PDE11A: variants seen among roughly 807,000 people sequenced by gnomAD.
PDE11A encodes phosphodiesterase 11A, also known as dual 3',5'-cyclic-AMP and -GMP phosphodiesterase 11A.
Under a neutral mutation model 100.5 loss-of-function variants are expected in PDE11A, and 100 were observed. The observed-to-expected ratio is 1.00, with a 90% confidence interval of 0.85 to 1.18. The LOEUF (loss-of-function observed/expected upper bound fraction) is 1.18. Among genes scored for constraint, PDE11A ranks in the 50% most tolerant of loss-of-function variants. PDE11A has a pLI of 0.00. For missense variants in PDE11A, 1,141 were observed against 1,152.6 expected (o/e 0.99, Z 0.15); for synonymous variants, 381 against 420.8 (o/e 0.91, Z 1.16).
intron 8 of PDE11A, 101 bp from the exon 9 acceptor site, chr2:177,817,022 CTTG>C (rs1338154910): frequency 4.1e-5 from 31 of 755,954 alleles, no homozygotes; most frequent in Admixed American, 3.9e-4. Flanking sequence ...AAAATACAAT[CTTG>C]TTGTACACAG....
At chr2:177,740,940 G>C (rs1559168521) in intron 10 of PDE11A, among the ~76,000 whole-genome samples, 1 of 152,208 alleles carries the variant, frequency 6.6e-6, no homozygotes, top group Non-Finnish European at 1.5e-5. Context: ...ATGTGCATTT[G>C]AATCTGAGTT....
At chr2:178,087,456 A>T (rs1033029270) in intron 2 of PDE11A, among the ~76,000 whole-genome samples, 3 of 152,190 alleles carry the variant, frequency 2.0e-5, no homozygotes, top group Admixed American at 6.5e-5. Context: ...AACTGGAGGC[A>T]ATTAACTTTA....
chr2:177,756,125 C>A (rs1558922613), intron 10 of PDE11A, among the ~76,000 whole-genome samples: 1 of 152,172 alleles, frequency 6.6e-6, no homozygotes, highest in Non-Finnish European at 1.5e-5. Flanking sequence ...GAATTTACCA[C>A]ACAATAAGAG....
intron 2 of PDE11A, among the ~76,000 whole-genome samples, chr2:178,003,244 T>C (rs2086166303): frequency 6.6e-6 from 1 of 152,110 alleles, no homozygotes; most frequent in Non-Finnish European, 1.5e-5. Context: ...CAAAAACTTG[T>C]AAATAAATGT....
chr2:177,720,819 T>G (rs971711103), intron 12 of PDE11A, among the ~76,000 whole-genome samples: 1 of 152,154 alleles, frequency 6.6e-6, no homozygotes, highest in African/African-American at 2.4e-5. Context: ...AAGCTCAGAG[T>G]TGGAAAAACC....
At chr2:178,005,349 T>C (rs1284661410) in intron 2 of PDE11A, among the ~76,000 whole-genome samples, 1 of 151,998 alleles carries the variant, frequency 6.6e-6, no homozygotes, top group Non-Finnish European at 1.5e-5. Flanking sequence ...TAATCTAAAT[T>C]ATGAAAATTA....
At chr2:178,034,693 T>C (rs1190353121) in intron 1 of PDE11A, among the ~76,000 whole-genome samples, 1 of 152,068 alleles carries the variant, frequency 6.6e-6, no homozygotes. Flanking sequence ...CACAGTACAA[T>C]CAAATTAGAA....
chr2:177,785,635 A>G (rs1378008633), intron 9 of PDE11A, among the ~76,000 whole-genome samples: 2 of 152,194 alleles, frequency 1.3e-5, no homozygotes, highest in Non-Finnish European at 2.9e-5. Context: ...TTCCTAGTCA[A>G]AGAAAGGGGT....
At chr2:177,789,477 A>G (rs1490725059) in intron 9 of PDE11A, among the ~76,000 whole-genome samples, 1 of 151,786 alleles carries the variant, frequency 6.6e-6, no homozygotes, top group East Asian at 1.9e-4. Context: ...GAAAACTGGC[A>G]CAAGACAGGG....
intron 4 of PDE11A, among the ~76,000 whole-genome samples, chr2:177,891,702 G>A (rs2084531860): frequency 6.6e-6 from 1 of 152,172 alleles, no homozygotes; most frequent in South Asian, 2.1e-4. Flanking sequence ...TTGTCTGCTA[G>A]TCAAATCTGA....
At chr2:177,958,796 C>T (rs1477156558) in intron 2 of PDE11A, among the ~76,000 whole-genome samples, 1 of 152,068 alleles carries the variant, frequency 6.6e-6, no homozygotes, top group Admixed American at 6.6e-5. Context: ...ATAGTAACAG[C>T]AAACTGAAAG....
intron 9 of PDE11A, among the ~76,000 whole-genome samples, chr2:177,795,935 CTATATATATATATATATATATATA>C (rs55861102): frequency 3.4e-4 from 23 of 67,268 alleles, no homozygotes; most frequent in South Asian, 1.2e-3. Context: ...TTTGTTTAAA[CTATATATATATATATATATATATA>C]TATATATATA....
In PDE11A at chr2:178,071,916, C is replaced by T. The variant is rs760047687; in HGVS notation, c.522G>A (p.Ala174=). 5 of 1,613,918 alleles carry T rather than the reference C, an allele frequency of 3.1e-6. No homozygotes were observed. The highest frequency in any genetic ancestry group is 2.2e-5 in the South Asian group (2 of 91,070). ...GCAGATTCACTCTCGATTCCAGCAGCGCACTGAGAATATGGGCTGTGGTGG... is the reference window on the plus strand; with the variant it reads ...GCAGATTCACTCTCGATTCCAGCAGTGCACTGAGAATATGGGCTGTGGTGG... ...LPPTTAHILS[A]LLESRVNLPR... The change falls in exon 1 of 20, where the codon GCG becomes GCA. Residue 174 remains alanine (A), a synonymous_variant. Transcript: ENST00000286063.
chr2:178,096,306 G>A (rs185714230), intron 2 of PDE11A, among the ~76,000 whole-genome samples: 3 of 150,712 alleles, frequency 2.0e-5, no homozygotes, highest in Admixed American at 6.6e-5. Flanking sequence ...TAGGAGTACA[G>A]GCACCCACCA....
At chr2:178,081,413 A>G (rs2087283613) in intron 2 of PDE11A, among the ~76,000 whole-genome samples, 6 of 152,234 alleles carry the variant, frequency 3.9e-5, no homozygotes, top group Admixed American at 3.3e-4. Context: ...AAAAAAATTG[A>G]GCAAATTATT....
chr2:178,039,528 G>A (rs1157087708), intron 1 of PDE11A, among the ~76,000 whole-genome samples: 4 of 151,842 alleles, frequency 2.6e-5, no homozygotes, highest in Non-Finnish European at 5.9e-5. Flanking sequence ...CCAAACCTAA[G>A]AGTTAAAAAT....
chr2:177,652,838 TC>T lies in PDE11A; in HGVS notation c.2646+11027del, dbSNP rs2080330411. 2.6e-5 allele frequency among the ~76,000 whole-genome samples: 4 copies of T among 152,238 alleles called. No homozygotes were observed. In the South Asian group the frequency reaches 8.3e-4, roughly 31 times the overall value. ...AGCTTTTTTGAAGTTGTCTTTTGTTTCCTGCCTTTACTGTATGCTCTGAATT... is the reference window on the plus strand; with the variant it reads ...AGCTTTTTTGAAGTTGTCTTTTGTTTCTGCCTTTACTGTATGCTCTGAATT... On this transcript the variant is annotated intron_variant, in intron 19 of 19. Transcript: ENST00000286063.
intron 12 of PDE11A, among the ~76,000 whole-genome samples, chr2:177,723,972 T>A (rs1208869772): frequency 1.2e-4 from 18 of 152,152 alleles, no homozygotes; most frequent in Admixed American, 1.0e-3. Context: ...GTATTTATAG[T>A]TATAATTTAT....
intron 9 of PDE11A, among the ~76,000 whole-genome samples, chr2:177,809,363 CCA>C (rs1340808016): frequency 4.6e-5 from 7 of 152,026 alleles, no homozygotes; most frequent in African/African-American, 1.7e-4. Context: ...GAGCTGACCC[CCA>C]CAGAGGGAGG....
Sources: allele counts gnomAD v4.1 joint callset (sites outside exome capture counted in the v4.1 genomes callset), GRCh38; gene constraint gnomAD v4.1.1; transcripts MANE v1.5; gene names NCBI Gene and HGNC (gene_info 2026-07-23, HGNC 2026-07-21).